Variants in CAMK2G observed in about 807,000 individuals in gnomAD.
CAMK2G encodes calcium/calmodulin dependent protein kinase II gamma.
In CAMK2G, 23 loss-of-function variants were observed where a neutral mutation model predicts 88.7. That is an observed-to-expected ratio of 0.26 (90% CI 0.19 to 0.37). The LOEUF is 0.37. Ranked by LOEUF, CAMK2G falls within the 10% of genes least tolerant of loss-of-function variation. The probability of loss-of-function intolerance (pLI) is 1.00; values close to 1 mark genes in which losing one functional copy is unlikely to be tolerated. For missense variants in CAMK2G, 476 were observed against 780.8 expected (o/e 0.61, Z 4.65); for synonymous variants, 263 against 294.8 (o/e 0.89, Z 1.11).
rs184291371 is a variant in CAMK2G at position 73,813,075 on chromosome 10, C to G, written c.*1443G>C. On this transcript the variant is annotated 3_prime_UTR_variant, in exon 23 of 23. Coordinates refer to ENST00000423381, the MANE Select transcript of CAMK2G (RefSeq NM_001367534.1). ...TCCCCCAAAAGTGGAGATGTTTGTGCAGATAAATCTGCAGCGTTGTTTTGA... is the reference window on the plus strand; with the variant it reads ...TCCCCCAAAAGTGGAGATGTTTGTGGAGATAAATCTGCAGCGTTGTTTTGA... 1 of 152,716 alleles carries G rather than the reference C, an allele frequency of 6.5e-6. No individual in the cohort carries two copies. Among genetic ancestry groups the G allele is most frequent in the Non-Finnish European group, 1.5e-5 (1 of 68,060 alleles). The allele number at this position is 152,716 out of a possible 1,614,324, so 9.5% of individuals were successfully genotyped here.
chr10:73,855,386 G>T (rs1180995183), intron 3 of CAMK2G, among the ~76,000 whole-genome samples: 1 of 152,222 alleles, frequency 6.6e-6, no homozygotes, highest in African/African-American at 2.4e-5. Context: ...CATTAGGGAG[G>T]TGACTAACAG....
At chr10:73,853,335 C>G in intron 3 of CAMK2G, 89 bp from the exon 4 acceptor site, 1 of 1,178,268 alleles carries the variant, frequency 8.5e-7, no homozygotes, top group South Asian at 1.3e-5. Flanking sequence ...CCTGCCCCAT[C>G]CTGTCGGGCT....
intron 5 of CAMK2G, among the ~76,000 whole-genome samples, chr10:73,851,751 G>T (rs571969569): frequency 5.3e-5 from 2 of 37,828 alleles, no homozygotes; most frequent in Admixed American, 2.3e-4. Context: ...TTTTTTTTGT[G>T]GGGGGGGGGA....
Position 73,849,336 on chromosome 10 carries a change from A to G in CAMK2G, c.342-3T>C, listed in dbSNP as rs1413391825. 1 of 1,606,586 alleles carries G rather than the reference A, an allele frequency of 6.2e-7. No individual in the cohort carries two copies. ...CCAGAATCTGATGTATACAGTGGCT[A>G]AAAAAGCAGAAGGAAAAGAAATGTT... On this transcript the variant is annotated splice_region_variant and splice_polypyrimidine_tract_variant and intron_variant, in intron 5 of 22. Transcript: ENST00000423381.
chr10:73,843,739 C>T (rs908771522), intron 10 of CAMK2G, among the ~76,000 whole-genome samples: 2 of 152,204 alleles, frequency 1.3e-5, no homozygotes, highest in Admixed American at 1.3e-4. Context: ...CCTTGGCCCA[C>T]TCTTTCCAGG....
At chr10:73,853,904 G>A (rs1415924995) in intron 3 of CAMK2G, among the ~76,000 whole-genome samples, 2 of 152,216 alleles carry the variant, frequency 1.3e-5, no homozygotes, top group African/African-American at 4.8e-5. Flanking sequence ...GCTAGGCAGC[G>A]GGATTCAGGA....
chr10:73,864,377 C>T (rs2095504746), intron 2 of CAMK2G, among the ~76,000 whole-genome samples: 1 of 151,986 alleles, frequency 6.6e-6, no homozygotes, highest in Admixed American at 6.6e-5. Flanking sequence ...GCGAACAAAA[C>T]AGACAAAAAT....
intron 21 of CAMK2G, chr10:73,816,541 A>G: frequency 2.7e-6 from 2 of 728,374 alleles, no homozygotes; most frequent in South Asian, 3.8e-5. Context: ...GCTCACTGCA[A>G]GCTCTGCCTC....
rs1011371727 is a variant in CAMK2G, at chr10:73,812,928, C to T, written c.*1590G>A. On this transcript the variant is annotated 3_prime_UTR_variant, in exon 23 of 23. Transcript: ENST00000423381. The stretch of plus-strand genomic sequence containing the variant: ...TCGGAGGAGCCTGGCTAAATCCAAG[C>T]ACCAGCACCTGTGAGTCTGCTCTCT... The T allele has an allele frequency of 2.6e-5, 4 of 152,744 alleles. No individual in the cohort carries two copies. The highest frequency in any genetic ancestry group is 1.3e-4 in the Admixed American group (2 of 15,294). The allele number at this position is 152,744 out of a possible 1,614,324, so 9.5% of individuals were successfully genotyped here.
chr10:73,851,665 C>CAA (rs1234958659), intron 5 of CAMK2G, among the ~76,000 whole-genome samples: 1 of 129,962 alleles, frequency 7.7e-6, no homozygotes, highest in Non-Finnish European at 1.6e-5. Context: ...CATGGTAGTG[C>CAA]AAAAAAAAAG....
chr10:73,819,546 A>G lies in CAMK2G; in HGVS notation c.1349T>C (p.Leu450Pro). ...PSAGMQPQPSLCSSAMRKQEI... is the reference protein window; with the variant it reads ...PSAGMQPQPSPCSSAMRKQEI... Reference sequence around the variant, plus strand: ...CTCACACTTACTGGCTGAGGAGCAGAGAGAAGGCTGGGGCTGCATGCCTGC... The same window carrying G: ...CTCACACTTACTGGCTGAGGAGCAGGGAGAAGGCTGGGGCTGCATGCCTGC... The change falls in exon 19 of 23, where the codon CTC becomes CCC. Residue 450 changes from leucine to proline, a missense_variant. Coordinates refer to ENST00000423381, the MANE Select transcript of CAMK2G (RefSeq NM_001367534.1). 1.3e-6 allele frequency: 2 copies of G among 1,549,182 alleles called. No homozygotes were observed. Among genetic ancestry groups the G allele is most frequent in the Non-Finnish European group, 1.7e-6 (2 of 1,146,252 alleles).
intron 3 of CAMK2G, among the ~76,000 whole-genome samples, chr10:73,858,875 T>A (rs2095230485): frequency 6.6e-6 from 1 of 152,240 alleles, no homozygotes. Flanking sequence ...TCAATTGTCT[T>A]CATTATACCC....
At chr10:73,828,213 G>A in intron 14 of CAMK2G, 92 bp from the exon 15 acceptor site, 1 of 1,057,008 alleles carries the variant, frequency 9.5e-7, no homozygotes, top group Non-Finnish European at 1.5e-6. Context: ...ACCAGTGTGG[G>A]CTCTGCATCA....
At chr10:73,858,133 C>A (rs1350667228) in intron 3 of CAMK2G, among the ~76,000 whole-genome samples, 1 of 152,196 alleles carries the variant, frequency 6.6e-6, no homozygotes, top group African/African-American at 2.4e-5. Context: ...ACTCCTGGGA[C>A]AGAATATCTA....
chr10:73,820,656 C>T (rs1193323237), intron 18 of CAMK2G, among the ~76,000 whole-genome samples: 1 of 118,402 alleles, frequency 8.4e-6, no homozygotes, highest in Non-Finnish European at 1.8e-5. Context: ...GCCACCACAC[C>T]CGGCTAATTT....
chr10:73,873,974 A>G (rs1399415204), intron 1 of CAMK2G, among the ~76,000 whole-genome samples: 1 of 150,350 alleles, frequency 6.7e-6, no homozygotes, highest in African/African-American at 2.5e-5. Flanking sequence ...CAGCCCCCCC[A>G]CGCCCGGGCT....
intron 3 of CAMK2G, among the ~76,000 whole-genome samples, chr10:73,860,497 G>A (rs1187017093): frequency 6.6e-6 from 1 of 152,172 alleles, no homozygotes. Flanking sequence ...CCCTGGTGAG[G>A]GACGCTGGCA....
In CAMK2G at chr10:73,842,617, T is replaced by C. The variant is rs2093889909; in HGVS notation, c.820-76A>G. 1.9e-6 allele frequency: 2 copies of C among 1,057,462 alleles called. No individual in the cohort carries two copies. Among genetic ancestry groups the C allele is most frequent in the East Asian group, 2.4e-5 (1 of 42,296 alleles). The allele number at this position is 1,057,462 out of a possible 1,614,324, so 65.5% of individuals were successfully genotyped here. A position where few individuals can be genotyped will look rare whatever the true frequency, so the allele number is the denominator to read the frequency against. On this transcript the variant is annotated intron_variant, in intron 10 of 22. Coordinates refer to ENST00000423381, the MANE Select transcript of CAMK2G (RefSeq NM_001367534.1). The surrounding 1 kb of genome is among the most constrained non-coding windows in gnomAD (Gnocchi z 4.6). The stretch of plus-strand genomic sequence containing the variant: ...TCCCACAGTCCTGGCACCGATACCA[T>C]GCCCAGGACAGGGTCATGCACTCAG...
chr10:73,814,532 C>G (rs549340284), intron 22 of CAMK2G, 27 bp from the exon 23 acceptor site: 1 of 162,144 alleles, frequency 6.2e-6, no homozygotes, highest in African/African-American at 2.4e-5. Context: ...AATGTGGTAA[C>G]AGAACAGAGG....
Sources: allele counts gnomAD v4.1 joint callset (sites outside exome capture counted in the v4.1 genomes callset), GRCh38; gene constraint gnomAD v4.1.1; non-coding constraint Gnocchi (gnomAD v3.1); transcripts MANE v1.5; gene names NCBI Gene and HGNC (gene_info 2026-07-23, HGNC 2026-07-21).